The following UNC13B variants were observed in gnomAD, a reference collection of about 807,000 sequenced individuals.
UNC13B encodes protein unc-13 homolog B.
A neutral mutation model predicts 211.0 loss-of-function variants in UNC13B; 144 were observed. That is an observed-to-expected ratio of 0.68 (90% CI 0.60 to 0.78). The LOEUF (loss-of-function observed/expected upper bound fraction) is 0.78, where lower values mean the gene tolerates loss of function less well. Ranked by LOEUF, UNC13B falls within the 30% of genes least tolerant of loss-of-function variation. UNC13B has a pLI of 0.00. For missense variants in UNC13B, 1,777 were observed against 2,002.0 expected (o/e 0.89, Z 2.14); for synonymous variants, 709 against 725.8 (o/e 0.98, Z 0.37).
chr9:35,374,583 C>G (rs1178902495), intron 13 of UNC13B, among the ~76,000 whole-genome samples: 1 of 152,238 alleles, frequency 6.6e-6, no homozygotes, highest in Non-Finnish European at 1.5e-5. Flanking sequence ...CTTGATTTGA[C>G]TGAGGCTTCA....
At chr9:35,400,239 G>T (rs947874706) in intron 36 of UNC13B, 57 bp from the exon 37 acceptor site, 1 of 1,591,830 alleles carries the variant, frequency 6.3e-7, no homozygotes, top group Non-Finnish European at 8.6e-7. Context: ...GGACAATGTT[G>T]GGGAGCTGCT....
At chr9:35,338,033 C>T (rs1257296795) in intron 11 of UNC13B, among the ~76,000 whole-genome samples, 1 of 152,050 alleles carries the variant, frequency 6.6e-6, no homozygotes, top group Non-Finnish European at 1.5e-5. Flanking sequence ...GTGGCTTGGG[C>T]TGGGATATAT....
At chr9:35,397,506 T>C in intron 29 of UNC13B, 129 bp from the exon 30 acceptor site, 1 of 1,291,318 alleles carries the variant, frequency 7.7e-7, no homozygotes, top group South Asian at 1.4e-5. Flanking sequence ...AGCTTTCTCC[T>C]GTACTGTGGG....
intron 1 of UNC13B, among the ~76,000 whole-genome samples, chr9:35,207,753 T>C (rs1192160295): frequency 6.6e-6 from 1 of 152,228 alleles, no homozygotes; most frequent in African/African-American, 2.4e-5. Flanking sequence ...ATATGCTAGA[T>C]ACAAAACTCT....
At chr9:35,221,003 G>A (rs1006434018) in intron 1 of UNC13B, among the ~76,000 whole-genome samples, 5 of 152,126 alleles carry the variant, frequency 3.3e-5, no homozygotes, top group Admixed American at 2.6e-4. Flanking sequence ...TTTTGCTGAT[G>A]ATCATTGATG....
chr9:35,381,033 C>T, intron 18 of UNC13B, 67 bp from the exon 19 acceptor site: 1 of 1,498,410 alleles, frequency 6.7e-7, no homozygotes, highest in South Asian at 1.3e-5. Context: ...TTGGGTTAAG[C>T]CAGAATGGAA....
rs1453859201 is a variant in UNC13B, at chr9:35,295,923, G to T, written c.754G>T (p.Ala252Ser). 6.2e-7 allele frequency: 1 copy of T among 1,605,958 alleles called. No individual in the cohort carries two copies. Among genetic ancestry groups the T allele is most frequent in the East Asian group, 2.2e-5 (1 of 44,714 alleles). Residue 252 changes from alanine (A) to serine (S), a missense_variant, in exon 8 of 40, where the codon GCT (alanine) becomes TCT (serine). Ala to Ser is a moderately conservative substitution (Grantham distance 99, BLOSUM62 1). Transcript: ENST00000635942. ...SYDLDYPERR[A>S]IRYAQKYDTL... Reference sequence around the variant, plus strand: ...TGACCTTGATTATCCAGAGCGGCGGGCTATCAGGTGGGTATTGAGCACAAA... The same window carrying T: ...TGACCTTGATTATCCAGAGCGGCGGTCTATCAGGTGGGTATTGAGCACAAA...
chr9:35,300,722 A>G lies in UNC13B; in HGVS notation c.1318A>G (p.Ile440Val), dbSNP rs186362270. ...KTLGDLSECS[I>V]EEITPSSIEE... ...ACTTGGAGATCTGTCTGAGTGCTCT[A>G]TAGAAGAGATAACCCCTTCCTCTAT... is the stretch of plus-strand genomic sequence containing the variant. Residue 440 changes from isoleucine (I) to valine (V), a missense_variant, in exon 9 of 40, where the codon ATA (isoleucine) becomes GTA (valine). Ile to Val is a conservative substitution (Grantham distance 29). Coordinates refer to ENST00000635942, the MANE Select transcript of UNC13B (RefSeq NM_001371189.2). 17 of 399,036 alleles carry G rather than the reference A, an allele frequency of 4.3e-5. No individual in the cohort carries two copies. Among genetic ancestry groups the G allele is most frequent in the Middle Eastern group, 6.3e-4 (1 of 1,588 alleles). 24.7% of individuals were successfully genotyped at this position (399,036 alleles called of 1,614,324 possible). A position where few individuals can be genotyped will look rare whatever the true frequency, so the allele number is the denominator to read the frequency against.
intron 11 of UNC13B, among the ~76,000 whole-genome samples, chr9:35,341,433 A>AAACC (rs926633342): frequency 3.3e-5 from 5 of 152,152 alleles, no homozygotes; most frequent in African/African-American, 4.8e-5. Context: ...TATATACACG[A>AAACC]AACCAACCAA....
At chr9:35,294,395 C>A (rs1440062103) in intron 7 of UNC13B, among the ~76,000 whole-genome samples, 2 of 152,074 alleles carry the variant, frequency 1.3e-5, no homozygotes, top group Non-Finnish European at 1.5e-5. Flanking sequence ...CAACTTCCAC[C>A]CTCTGGGTTC....
chr9:35,263,154 A>G (rs1364189426), intron 7 of UNC13B, among the ~76,000 whole-genome samples: 1 of 152,182 alleles, frequency 6.6e-6, no homozygotes, highest in Non-Finnish European at 1.5e-5. Flanking sequence ...CTGGAAATTT[A>G]TCCTCAGTCA....
chr9:35,337,167 C>G (rs181831974), intron 11 of UNC13B, among the ~76,000 whole-genome samples: 8 of 151,960 alleles, frequency 5.3e-5, no homozygotes, highest in Admixed American at 5.2e-4. Flanking sequence ...TTAGAAATAT[C>G]CCCCTAGCAA....
intron 20 of UNC13B, among the ~76,000 whole-genome samples, chr9:35,382,007 A>G (rs1834878580): frequency 6.6e-6 from 1 of 152,206 alleles, no homozygotes; most frequent in Non-Finnish European, 1.5e-5. Flanking sequence ...TAGACATCAC[A>G]GGCCTGAGCA....
intron 7 of UNC13B, among the ~76,000 whole-genome samples, chr9:35,270,708 T>C (rs968115508): frequency 6.6e-6 from 1 of 152,162 alleles, no homozygotes; most frequent in African/African-American, 2.4e-5. Context: ...TCCCCAGTTT[T>C]CCCCCAAACT....
chr9:35,293,387 G>A (rs557028461), intron 7 of UNC13B, among the ~76,000 whole-genome samples: 1 of 152,326 alleles, frequency 6.6e-6, no homozygotes, highest in African/African-American at 2.4e-5. Context: ...TGGCTGAGCT[G>A]CCCTCTCTGG....
At chr9:35,309,493 C>A (rs1451394522) in intron 9 of UNC13B, among the ~76,000 whole-genome samples, 1 of 152,090 alleles carries the variant, frequency 6.6e-6, no homozygotes, top group Non-Finnish European at 1.5e-5. Flanking sequence ...TAAGAAAATT[C>A]TTCAAAAGAA....
intron 28 of UNC13B, 23 bp from the exon 29 acceptor site, chr9:35,397,144 A>G: frequency 6.2e-7 from 1 of 1,612,114 alleles, no homozygotes; most frequent in Non-Finnish European, 8.5e-7. Flanking sequence ...GTGGATGGTG[A>G]CCCTGTGTGT....
intron 2 of UNC13B, among the ~76,000 whole-genome samples, 195 bp downstream of exon 2, chr9:35,228,239 A>G (rs1359047519): frequency 6.6e-6 from 1 of 152,158 alleles, no homozygotes; most frequent in African/African-American, 2.4e-5. Flanking sequence ...CTTCTCAATA[A>G]TAACTATATA....
intron 6 of UNC13B, among the ~76,000 whole-genome samples, chr9:35,248,212 A>G (rs1290053866): frequency 6.6e-6 from 1 of 151,974 alleles, no homozygotes; most frequent in Non-Finnish European, 1.5e-5. Flanking sequence ...CTCCTTTATC[A>G]TTTTTTACTG....
Sources: gnomAD v4.1 joint callset for allele counts (sites outside exome capture counted in the v4.1 genomes callset) on GRCh38, gnomAD v4.1.1 for gene constraint, MANE v1.5 for transcripts, NCBI Gene and HGNC (gene_info 2026-07-23, HGNC 2026-07-21) for gene names.